XRN1: variants seen among roughly 807,000 people sequenced by gnomAD.
The protein encoded by XRN1 is 5'-3' exoribonuclease 1.
XRN1 carries 67 observed loss-of-function variants against 222.3 expected under a neutral mutation model. The observed-to-expected ratio is 0.30, with a 90% CI of 0.25 to 0.37. The LOEUF (loss-of-function observed/expected upper bound fraction) is 0.37. Among genes scored for constraint, XRN1 ranks in the 10% least tolerant of loss-of-function variants. XRN1 has a pLI of 1.00. For synonymous variants in XRN1, 643 were observed against 652.4 expected (o/e 0.99, Z 0.22); for missense variants, 1,707 against 2,000.2 (o/e 0.85, Z 2.80).
intron 2 of XRN1, among the ~76,000 whole-genome samples, chr3:142,431,838 TA>T (rs2108154842): frequency 1.2e-5 from 1 of 84,934 alleles, no homozygotes; most frequent in East Asian, 2.9e-4. Context: ...TTATATATAA[TA>T]TTAAAAAATA....
chr3:142,426,635 G>A, intron 3 of XRN1, 109 bp downstream of exon 3: 1 of 1,025,828 alleles, frequency 9.7e-7, no homozygotes, highest in South Asian at 1.6e-5. Flanking sequence ...TACAGTAAAT[G>A]GAACCCTAAG....
At chr3:142,409,386 C>T (rs1184286529) in intron 15 of XRN1, among the ~76,000 whole-genome samples, 1 of 152,174 alleles carries the variant, frequency 6.6e-6, no homozygotes, top group Non-Finnish European at 1.5e-5. Context: ...CTTTTATTCA[C>T]AAATATAGCC....
At position 142,365,291 on chromosome 3, in the gene XRN1, T is replaced by C; in HGVS notation, c.3261+19A>G. The C allele has an allele frequency of 6.3e-7, 1 of 1,589,552 alleles. No individual in the cohort carries two copies. Among genetic ancestry groups the C allele is most frequent in the South Asian group, 1.2e-5 (1 of 84,136 alleles). ...CAAAGTGAAAGCAACAACTCTGAAT[T>C]CTTTGATAGGAAACTTACTCTGTAT... is the stretch of plus-strand genomic sequence containing the variant. On this transcript the variant is annotated intron_variant, in intron 28 of 40. Transcript: ENST00000392981.
chr3:142,427,953 CTT>C (rs1405199255), intron 2 of XRN1, among the ~76,000 whole-genome samples: 2 of 152,222 alleles, frequency 1.3e-5, no homozygotes, highest in African/African-American at 2.4e-5. Context: ...TCACCAACCT[CTT>C]TAACATAACA....
chr3:142,382,159 C>A (rs187041973), intron 22 of XRN1, among the ~76,000 whole-genome samples: 2 of 152,148 alleles, frequency 1.3e-5, no homozygotes, highest in Admixed American at 6.5e-5. Context: ...TTTCGTTTCC[C>A]TTGCAGCTAA....
intron 2 of XRN1, among the ~76,000 whole-genome samples, chr3:142,431,846 AAT>A (rs1314396074): frequency 6.0e-5 from 4 of 66,468 alleles, no homozygotes; most frequent in East Asian, 3.3e-4. Flanking sequence ...AATATTAAAA[AAT>A]ATATATATTA....
At chr3:142,442,188 G>C (rs1329277386) in intron 1 of XRN1, among the ~76,000 whole-genome samples, 1 of 152,192 alleles carries the variant, frequency 6.6e-6, no homozygotes, top group Non-Finnish European at 1.5e-5. Context: ...TGGAGAGAAA[G>C]GGAATTCCTA....
intron 20 of XRN1, among the ~76,000 whole-genome samples, chr3:142,394,782 T>G (rs1447757792): frequency 1.3e-5 from 2 of 152,198 alleles, no homozygotes; most frequent in Non-Finnish European, 2.9e-5. Flanking sequence ...CCAGCTCTAC[T>G]CAATCCTATA....
chr3:142,447,862 TCACC>T lies in XRN1; in HGVS notation c.75+4_75+7del. On this transcript the variant is annotated splice_donor_5th_base_variant and intron_variant, in intron 1 of 40. Coordinates refer to ENST00000392981, the MANE Select transcript of XRN1 (RefSeq NM_001282857.2). The surrounding 1 kb of genome is among the most constrained non-coding windows in gnomAD (Gnocchi z 4.2). ...GGCTTTCTGAGCCGTTGCCCCTCGCTCACCCACCTGATGCTCTTTCACCACTTCG... is the reference window on the plus strand; with the variant it reads ...GGCTTTCTGAGCCGTTGCCCCTCGCTCACCTGATGCTCTTTCACCACTTCG... 6.2e-7 allele frequency: 1 copy of T among 1,613,180 alleles called. No homozygotes were observed. The highest frequency in any genetic ancestry group is 8.5e-7 in the Non-Finnish European group (1 of 1,179,808).
intron 8 of XRN1, among the ~76,000 whole-genome samples, chr3:142,421,859 A>G (rs2069048466): frequency 6.6e-6 from 1 of 152,174 alleles, no homozygotes; most frequent in African/African-American, 2.4e-5. Flanking sequence ...TAACTTAAGG[A>G]CTGATGTTCT....
At chr3:142,424,670 T>C (rs1438397799) in intron 5 of XRN1, among the ~76,000 whole-genome samples, 1 of 152,134 alleles carries the variant, frequency 6.6e-6, no homozygotes, top group Non-Finnish European at 1.5e-5. Context: ...TTATGAAACA[T>C]ATACAAATTA....
chr3:142,354,621 G>A (rs989057624), intron 32 of XRN1, among the ~76,000 whole-genome samples: 2 of 152,120 alleles, frequency 1.3e-5, no homozygotes, highest in African/African-American at 4.8e-5. Flanking sequence ...GAAATGGGGC[G>A]ATCTTGGCTC....
chr3:142,446,678 C>T (rs2070517721), intron 1 of XRN1, among the ~76,000 whole-genome samples: 1 of 152,170 alleles, frequency 6.6e-6, no homozygotes. Context: ...CAAGAAAAGC[C>T]AAAGTTGGTT....
chr3:142,357,802 G>A (rs763243296), intron 30 of XRN1, among the ~76,000 whole-genome samples: 9 of 152,186 alleles, frequency 5.9e-5, no homozygotes, highest in East Asian at 2.0e-4. Context: ...TTGGGAGGCC[G>A]AGGCAGGTCG....
chr3:142,394,773 C>A (rs1028421693), intron 20 of XRN1, among the ~76,000 whole-genome samples: 5 of 152,154 alleles, frequency 3.3e-5, no homozygotes, highest in Admixed American at 2.6e-4. Flanking sequence ...AACCAAAAAC[C>A]AGCTCTACTC....
intron 23 of XRN1, 92 bp downstream of exon 23, chr3:142,379,990 T>A (rs780573043): frequency 7.7e-6 from 7 of 910,952 alleles, no homozygotes; most frequent in Non-Finnish European, 1.1e-5. Flanking sequence ...AAATAAAATA[T>A]CTGAAATAAA....
chr3:142,418,628 A>C lies in XRN1; in HGVS notation c.1241-19T>G, dbSNP rs2068879493. 3.2e-6 allele frequency: 5 copies of C among 1,564,130 alleles called. No homozygotes were observed. Among genetic ancestry groups the C allele is most frequent in the Non-Finnish European group, 4.4e-6 (5 of 1,148,730 alleles). ...AAATTATCTGGGGAAAAAAGTCAGA[A>C]AGATAGTGACTGACAATTATGAATA... On this transcript the variant is annotated intron_variant, in intron 11 of 40. Coordinates refer to ENST00000392981, the MANE Select transcript of XRN1 (RefSeq NM_001282857.2).
At chr3:142,328,567 T>C (rs2065585744) in intron 37 of XRN1, among the ~76,000 whole-genome samples, 2 of 151,056 alleles carry the variant, frequency 1.3e-5, no homozygotes, top group South Asian at 4.2e-4. Context: ...TGGTTTATCC[T>C]TGAGAATGTT....
At chr3:142,381,091 C>A (rs1352677848) in intron 22 of XRN1, among the ~76,000 whole-genome samples, 1 of 149,236 alleles carries the variant, frequency 6.7e-6, no homozygotes, top group African/African-American at 2.5e-5. Context: ...TAGAGCGAGA[C>A]TCTGTCTCCA....
Sources: allele counts gnomAD v4.1 joint callset (sites outside exome capture counted in the v4.1 genomes callset), GRCh38; gene constraint gnomAD v4.1.1; non-coding constraint Gnocchi (gnomAD v3.1); transcripts MANE v1.5; gene names NCBI Gene and HGNC (gene_info 2026-07-23, HGNC 2026-07-21).